WWOX: variants seen among roughly 807,000 people sequenced by gnomAD.
The protein encoded by WWOX is WW domain-containing oxidoreductase.
In WWOX, 69 loss-of-function variants were observed where a neutral mutation model predicts 46.2. The observed-to-expected ratio is 1.49, with a 90% CI of 1.23 to 1.82. The LOEUF is 1.82. Ranked by LOEUF, WWOX falls within the 40% of genes most tolerant of loss-of-function variation. The pLI is 0.00. For synonymous variants in WWOX, 359 were observed against 202.6 expected (o/e 1.77, Z -6.56); for missense variants, 919 against 542.6 (o/e 1.69, Z -6.89).
intron 5 of WWOX, among the ~76,000 whole-genome samples, chr16:78,353,629 T>C (rs1414842660): frequency 6.6e-6 from 1 of 152,258 alleles, no homozygotes; most frequent in Non-Finnish European, 1.5e-5. Context: ...ATTAGTATTA[T>C]CTTTGCCATT....
intron 5 of WWOX, among the ~76,000 whole-genome samples, chr16:78,174,096 C>T (rs947312209): frequency 1.3e-5 from 2 of 152,154 alleles, no homozygotes; most frequent in African/African-American, 2.4e-5. Context: ...ATTAGGGTTT[C>T]ACCATAATAA....
chr16:78,377,356 C>T (rs1367396254), intron 5 of WWOX, among the ~76,000 whole-genome samples: 2 of 152,132 alleles, frequency 1.3e-5, no homozygotes, highest in African/African-American at 2.4e-5. Flanking sequence ...TACCTTTAGT[C>T]ATCTATTATT....
intron 8 of WWOX, among the ~76,000 whole-genome samples, chr16:79,151,047 A>T (rs2050268812): frequency 6.6e-6 from 1 of 152,170 alleles, no homozygotes; most frequent in African/African-American, 2.4e-5. Context: ...TCATTTTACC[A>T]GTGCAACTCT....
At chr16:79,208,409 C>T (rs2051594698) in intron 8 of WWOX, among the ~76,000 whole-genome samples, 2 of 152,050 alleles carry the variant, frequency 1.3e-5, no homozygotes, top group Non-Finnish European at 2.9e-5. Context: ...TAGGGGAACC[C>T]ATAGCTCCAG....
intron 5 of WWOX, among the ~76,000 whole-genome samples, chr16:78,372,337 G>A (rs72796039): frequency 0.053 from 8,059 of 152,210 alleles, 283 homozygotes; most frequent in East Asian, 0.12. Flanking sequence ...GTGGGTTTCA[G>A]AAAGGCAGCC....
chr16:78,840,232 G>C (rs1023920764), intron 8 of WWOX, among the ~76,000 whole-genome samples: 6 of 152,110 alleles, frequency 3.9e-5, no homozygotes, highest in Admixed American at 3.3e-4. Flanking sequence ...AATCCTAACT[G>C]TGCACATTCT....
intron 8 of WWOX, among the ~76,000 whole-genome samples, chr16:79,180,187 A>G (rs1408812680): frequency 6.6e-6 from 1 of 152,194 alleles, no homozygotes; most frequent in Non-Finnish European, 1.5e-5. Flanking sequence ...CCTAACTTCT[A>G]GTTCCAGACA....
chr16:78,505,444 TC>T (rs1275034953), intron 8 of WWOX, among the ~76,000 whole-genome samples: 1 of 152,124 alleles, frequency 6.6e-6, no homozygotes, highest in African/African-American at 2.4e-5. Flanking sequence ...CCAATCTGTT[TC>T]TCCCTGAAAA....
intron 8 of WWOX, among the ~76,000 whole-genome samples, chr16:78,757,943 A>G (rs1396910849): frequency 6.6e-6 from 1 of 151,910 alleles, no homozygotes; most frequent in Admixed American, 6.6e-5. Flanking sequence ...GTTTCCAAAT[A>G]TGAGTTTGGG....
intron 8 of WWOX, among the ~76,000 whole-genome samples, chr16:78,932,293 G>C (rs942667187): frequency 3.3e-5 from 5 of 152,176 alleles, no homozygotes; most frequent in African/African-American, 1.2e-4. Context: ...ACAGAGAAGT[G>C]CTTCTTGTAC....
chr16:78,852,598 CT>C, intron 8 of WWOX, among the ~76,000 whole-genome samples: 1 of 152,246 alleles, frequency 6.6e-6, no homozygotes, highest in East Asian at 1.9e-4. Flanking sequence ...AATCAGCTAG[CT>C]AAGCTGCTCC....
intron 6 of WWOX, among the ~76,000 whole-genome samples, chr16:78,414,055 T>C (rs1476218806): frequency 6.6e-6 from 1 of 152,008 alleles, no homozygotes; most frequent in East Asian, 2.0e-4. Context: ...TGCCCCACCC[T>C]AACTGATCAG....
intron 8 of WWOX, among the ~76,000 whole-genome samples, chr16:79,063,862 C>T (rs771420488): frequency 6.6e-6 from 1 of 152,164 alleles, no homozygotes; most frequent in African/African-American, 2.4e-5. Context: ...TGCTGCTCTT[C>T]CTGAAATCAA....
chr16:78,157,716 C>A (rs999674632), intron 4 of WWOX, among the ~76,000 whole-genome samples: 7 of 152,200 alleles, frequency 4.6e-5, no homozygotes, highest in African/African-American at 1.7e-4. Context: ...CATATTCAGA[C>A]AAACGGAATG....
chr16:79,090,435 C>G (rs35740112), intron 8 of WWOX, among the ~76,000 whole-genome samples: 42,739 of 151,978 alleles, frequency 0.28, 6,988 homozygotes, highest in East Asian at 0.66. Context: ...ATGTGCAATA[C>G]CTAGTGATAC....
chr16:78,611,479 T>C (rs1418270582), intron 8 of WWOX, among the ~76,000 whole-genome samples: 1 of 152,162 alleles, frequency 6.6e-6, no homozygotes. Flanking sequence ...CTGCCCTGCC[T>C]CCCTGGAGGC....
intron 4 of WWOX, among the ~76,000 whole-genome samples, chr16:78,140,505 G>A (rs2033949427): frequency 6.6e-6 from 1 of 152,148 alleles, no homozygotes; most frequent in South Asian, 2.1e-4. Flanking sequence ...CCTTTAAAAT[G>A]TGTAGGGAAG....
At chr16:78,146,179 T>C (rs10153091) in intron 4 of WWOX, among the ~76,000 whole-genome samples, 31,420 of 151,994 alleles carry the variant, frequency 0.21, 3,384 homozygotes, top group South Asian at 0.28. Context: ...TTGGGATCTT[T>C]TGGGGAGTAC....
At chr16:78,865,219 C>T (rs988380310) in intron 8 of WWOX, among the ~76,000 whole-genome samples, 3 of 152,056 alleles carry the variant, frequency 2.0e-5, no homozygotes, top group South Asian at 2.1e-4. Flanking sequence ...ATTTAGGATG[C>T]GATCAGTTTT....
Sources: allele counts gnomAD v4.1 joint callset (sites outside exome capture counted in the v4.1 genomes callset), GRCh38; gene constraint gnomAD v4.1.1; transcripts MANE v1.5; gene names NCBI Gene and HGNC (gene_info 2026-07-23, HGNC 2026-07-21).